The following WDFY3 variants were observed in gnomAD, a reference collection of about 807,000 sequenced individuals.
WDFY3 encodes the protein WD repeat and FYVE domain containing 3, also known as WD repeat and FYVE domain-containing protein 3.
A neutral mutation model predicts 409.6 loss-of-function variants in WDFY3; 66 were observed. The observed-to-expected ratio is 0.16, with a 90% confidence interval of 0.13 to 0.20. The LOEUF is 0.20. Among genes scored for constraint, WDFY3 ranks in the 10% least tolerant of loss-of-function variants. WDFY3 has a pLI of 1.00. For synonymous variants in WDFY3, 1,521 were observed against 1,537.1 expected (o/e 0.99, Z 0.25); for missense variants, 3,031 against 4,298.1 (o/e 0.71, Z 8.24).
Position 84,914,388 on chromosome 4 carries a change from C to G in WDFY3, c.-131-17378G>C, listed in dbSNP as rs547568169. 6.1e-4 allele frequency among the ~76,000 whole-genome samples: 93 copies of G among 151,988 alleles called. No homozygotes were observed. The South Asian group carries it at 0.019, about 32-fold the overall frequency. On this transcript the variant is annotated intron_variant, in intron 2 of 67. Coordinates refer to ENST00000295888, the MANE Select transcript of WDFY3 (RefSeq NM_014991.6). ...GAGATAGCGCCATTGCACTTCAGCCCGGGCAACAGTGTGAGACTCCGTCTC... is the reference window on the plus strand; with the variant it reads ...GAGATAGCGCCATTGCACTTCAGCCGGGGCAACAGTGTGAGACTCCGTCTC...
At chr4:84,767,316 C>A (rs1306546867) in intron 30 of WDFY3, among the ~76,000 whole-genome samples, 1 of 152,046 alleles carries the variant, frequency 6.6e-6, no homozygotes, top group Admixed American at 6.5e-5. Context: ...TTGACAGCTC[C>A]GACTGGCCAT....
chr4:84,922,433 T>A (rs561190219), intron 2 of WDFY3, among the ~76,000 whole-genome samples: 5 of 152,216 alleles, frequency 3.3e-5, no homozygotes, highest in Non-Finnish European at 7.3e-5. Context: ...TTAGTCTTTT[T>A]ATAACAAATA....
intron 4 of WDFY3, among the ~76,000 whole-genome samples, chr4:84,857,797 C>G (rs944905838): frequency 3.9e-5 from 6 of 152,150 alleles, no homozygotes; most frequent in African/African-American, 1.4e-4. Flanking sequence ...AATGTACATT[C>G]TATAAATGCG....
chr4:84,715,854 C>T (rs1315437727), intron 49 of WDFY3, among the ~76,000 whole-genome samples: 1 of 149,766 alleles, frequency 6.7e-6, no homozygotes, highest in Non-Finnish European at 1.5e-5. Context: ...TTAAGCTACA[C>T]AATAAATAGA....
chr4:84,790,025 AT>A (rs1748228550), intron 21 of WDFY3, 118 bp from the exon 22 acceptor site: 10 of 1,099,888 alleles, frequency 9.1e-6, no homozygotes, highest in Admixed American at 7.6e-5. Flanking sequence ...ATGCAGACTG[AT>A]TTGAGTAATA....
chr4:84,864,680 G>C (rs1335054195), intron 3 of WDFY3, among the ~76,000 whole-genome samples: 1 of 152,094 alleles, frequency 6.6e-6, no homozygotes, highest in East Asian at 1.9e-4. Flanking sequence ...CTCATTCAAA[G>C]TACGATAGTG....
intron 3 of WDFY3, among the ~76,000 whole-genome samples, chr4:84,885,781 G>C (rs577122171): frequency 3.9e-5 from 6 of 152,164 alleles, no homozygotes; most frequent in African/African-American, 1.4e-4. Context: ...TAGACATGTG[G>C]ACAGAAACTA....
intron 61 of WDFY3, 52 bp downstream of exon 61, chr4:84,690,454 G>C: frequency 6.2e-7 from 1 of 1,613,388 alleles, no homozygotes; most frequent in Non-Finnish European, 8.5e-7. Flanking sequence ...ACAGGGTGTA[G>C]GCACAGGAGA....
chr4:84,917,090 T>C (rs1013426617), intron 2 of WDFY3, among the ~76,000 whole-genome samples: 4 of 152,176 alleles, frequency 2.6e-5, no homozygotes, highest in African/African-American at 9.6e-5. Context: ...CGTGTGTGTG[T>C]GCGTTTAAGT....
intron 6 of WDFY3, among the ~76,000 whole-genome samples, chr4:84,839,288 G>A (rs1757010354): frequency 6.6e-6 from 1 of 151,942 alleles, no homozygotes. Flanking sequence ...ATAAACATAT[G>A]CTATTCTAAA....
At chr4:84,839,835 G>T (rs906175368) in intron 6 of WDFY3, among the ~76,000 whole-genome samples, 3 of 151,740 alleles carry the variant, frequency 2.0e-5, no homozygotes, top group Admixed American at 2.0e-4. Flanking sequence ...TCCACTCCAG[G>T]CTGGGTGACA....
chr4:84,837,923 C>T (rs142593263), intron 6 of WDFY3, among the ~76,000 whole-genome samples: 66 of 152,236 alleles, frequency 4.3e-4, no homozygotes, highest in Non-Finnish European at 8.1e-4. Context: ...AGACCACAGT[C>T]GACTGGAATT....
chr4:84,793,546 T>C (rs1022414527), intron 21 of WDFY3, among the ~76,000 whole-genome samples: 1 of 152,180 alleles, frequency 6.6e-6, no homozygotes, highest in African/African-American at 2.4e-5. Context: ...CACTGGAGAA[T>C]ACTACTTCTG....
chr4:84,850,924 ATC>A (rs1268112683), intron 4 of WDFY3, among the ~76,000 whole-genome samples: 13 of 39,130 alleles, frequency 3.3e-4, no homozygotes, highest in South Asian at 1.1e-3. Context: ...AATTTTATTT[ATC>A]TGTTTTTTTT....
chr4:84,845,505 A>G (rs543082602), intron 5 of WDFY3, among the ~76,000 whole-genome samples: 21 of 152,300 alleles, frequency 1.4e-4, no homozygotes, highest in African/African-American at 4.8e-4. Context: ...TCTGCTGTAC[A>G]GCATGGTATG....
At chr4:84,677,611 C>T (rs547319899) in intron 66 of WDFY3, among the ~76,000 whole-genome samples, 1 of 152,238 alleles carries the variant, frequency 6.6e-6, no homozygotes, top group Admixed American at 6.5e-5. Context: ...TTGGATCACC[C>T]TTGCTGTATC....
intron 47 of WDFY3, among the ~76,000 whole-genome samples, chr4:84,720,045 A>G (rs995807388): frequency 1.3e-5 from 2 of 152,232 alleles, no homozygotes; most frequent in African/African-American, 2.4e-5. Flanking sequence ...GACACATTCA[A>G]GTCATTCATT....
At chr4:84,833,132 CAT>C (rs1756000626) in intron 7 of WDFY3, among the ~76,000 whole-genome samples, 1 of 151,988 alleles carries the variant, frequency 6.6e-6, no homozygotes, top group African/African-American at 2.4e-5. Flanking sequence ...TTGCAGAATA[CAT>C]ACTACACAAG....
Position 84,695,962 on chromosome 4 carries a change from A to T in WDFY3, c.8901+8T>A, listed in dbSNP as rs1560545252. 1.2e-6 allele frequency: 2 copies of T among 1,613,124 alleles called. No individual in the cohort carries two copies. Among genetic ancestry groups the T allele is most frequent in the Non-Finnish European group, 1.7e-6 (2 of 1,179,328 alleles). ...AGTACATCAATGACAAGAAAAAAAC[A>T]TCCATACCTGTTTAGGGATCTGACC... On this transcript the variant is annotated splice_region_variant and intron_variant, in intron 58 of 67. Coordinates refer to ENST00000295888, the MANE Select transcript of WDFY3 (RefSeq NM_014991.6).
Sources: allele counts gnomAD v4.1 joint callset (sites outside exome capture counted in the v4.1 genomes callset), GRCh38; gene constraint gnomAD v4.1.1; transcripts MANE v1.5; gene names NCBI Gene and HGNC (gene_info 2026-07-23, HGNC 2026-07-21).